Variants in KCTD16 observed in about 807,000 individuals in gnomAD.
The protein encoded by KCTD16 is potassium channel tetramerization domain containing 16.
KCTD16 carries 13 observed loss-of-function variants against 33.2 expected under a neutral mutation model. The ratio of observed to expected loss-of-function variants is 0.39; its 90% CI spans 0.25 to 0.62. The LOEUF is 0.62. Among genes scored for constraint, KCTD16 ranks in the 20% least tolerant of loss-of-function variants. The pLI is 0.50. For missense variants in KCTD16, 441 were observed against 525.1 expected, an observed-to-expected ratio of 0.84 and a Z score of 1.57; for synonymous variants, 197 against 195.3, an observed-to-expected ratio of 1.01 and a Z score of -0.07.
intron 3 of KCTD16, among the ~76,000 whole-genome samples, chr5:144,319,613 T>C (rs1752021391): frequency 6.6e-6 from 1 of 152,234 alleles, no homozygotes; most frequent in Non-Finnish European, 1.5e-5. Context: ...CCTTCTTTTG[T>C]CTTCTCATCA....
At chr5:144,235,488 G>A (rs1457305420) in intron 3 of KCTD16, among the ~76,000 whole-genome samples, 1 of 152,012 alleles carries the variant, frequency 6.6e-6, no homozygotes, top group African/African-American at 2.4e-5. Context: ...TTGACCTTGT[G>A]CACACAAGTT....
intron 3 of KCTD16, among the ~76,000 whole-genome samples, chr5:144,254,882 C>T (rs1754804153): frequency 6.6e-6 from 1 of 152,136 alleles, no homozygotes; most frequent in South Asian, 2.1e-4. Flanking sequence ...ACTTCAACCT[C>T]TCAAGTAGCT....
intron 3 of KCTD16, among the ~76,000 whole-genome samples, chr5:144,254,609 C>G (rs1754795851): frequency 6.6e-6 from 1 of 152,136 alleles, no homozygotes; most frequent in African/African-American, 2.4e-5. Flanking sequence ...TGCATACAAT[C>G]TCTAGGGCTT....
intron 3 of KCTD16, among the ~76,000 whole-genome samples, chr5:144,371,388 C>A (rs1751962436): frequency 6.6e-6 from 1 of 152,074 alleles, no homozygotes; most frequent in Non-Finnish European, 1.5e-5. Flanking sequence ...GATGGAGAGG[C>A]AGGTCATTCA....
Position 144,185,577 on chromosome 5 carries a change from A to G in KCTD16, c.-327+11105A>G, listed in dbSNP as rs533624233. On this transcript the variant is annotated intron_variant, in intron 2 of 3. Transcript: ENST00000512467. ...TGTGACCAGTCTACCCAAGTAAGTC[A>G]TGCACCTGTACCTGGAGCAAGGGTG... Among the ~76,000 whole-genome samples the G allele has an allele frequency of 9.2e-5, 14 of 152,292 alleles. No individual in the cohort carries two copies. The East Asian group carries it at 2.7e-3, about 29-fold the overall frequency.
intron 3 of KCTD16, among the ~76,000 whole-genome samples, chr5:144,354,865 G>C (rs973077763): frequency 1.3e-5 from 2 of 152,154 alleles, no homozygotes; most frequent in Non-Finnish European, 2.9e-5. Flanking sequence ...TTTTCATTTA[G>C]AGTGTCATGT....
chr5:144,440,974 G>A (rs538997095), intron 3 of KCTD16, among the ~76,000 whole-genome samples: 1 of 149,118 alleles, frequency 6.7e-6, no homozygotes, highest in African/African-American at 2.5e-5. Context: ...CCACCTGTGA[G>A]TGAGAACATG....
chr5:144,183,089 A>T (rs367881138), intron 2 of KCTD16, among the ~76,000 whole-genome samples: 2 of 152,210 alleles, frequency 1.3e-5, no homozygotes, highest in South Asian at 4.1e-4. Flanking sequence ...AAAGCAAAAT[A>T]AACGTGAAAG....
intron 3 of KCTD16, among the ~76,000 whole-genome samples, chr5:144,320,853 T>G (rs1291415029): frequency 6.6e-6 from 1 of 152,012 alleles, no homozygotes; most frequent in East Asian, 1.9e-4. Flanking sequence ...TCATATGTAA[T>G]GTAAATGCCA....
chr5:144,450,794 G>A (rs1237633748), intron 3 of KCTD16, among the ~76,000 whole-genome samples: 1 of 152,044 alleles, frequency 6.6e-6, no homozygotes, highest in Non-Finnish European at 1.5e-5. Flanking sequence ...AGGTATCGAG[G>A]GGAGGAGCAA....
At chr5:144,242,187 T>A (rs1484254484) in intron 3 of KCTD16, among the ~76,000 whole-genome samples, 2 of 152,260 alleles carry the variant, frequency 1.3e-5, no homozygotes, top group Non-Finnish European at 2.9e-5. Flanking sequence ...ACACATTGTT[T>A]GGATTTTTAA....
intron 3 of KCTD16, among the ~76,000 whole-genome samples, chr5:144,248,347 G>A (rs1754605262): frequency 1.3e-5 from 2 of 152,202 alleles, no homozygotes; most frequent in African/African-American, 4.8e-5. Context: ...AAAGATCTGA[G>A]CTGGCTCATG....
At chr5:144,352,972 A>T (rs1374110253) in intron 3 of KCTD16, among the ~76,000 whole-genome samples, 1 of 152,182 alleles carries the variant, frequency 6.6e-6, no homozygotes, top group African/African-American at 2.4e-5. Context: ...GATTTTGTTC[A>T]TTCCACTCAG....
chr5:144,274,659 T>C (rs1232293368), intron 3 of KCTD16, among the ~76,000 whole-genome samples: 1 of 152,124 alleles, frequency 6.6e-6, no homozygotes, highest in Non-Finnish European at 1.5e-5. Context: ...TTCCAGTAGA[T>C]AAGAAAAGGT....
At chr5:144,260,627 T>G (rs1248746739) in intron 3 of KCTD16, among the ~76,000 whole-genome samples, 5 of 152,168 alleles carry the variant, frequency 3.3e-5, no homozygotes, top group African/African-American at 1.2e-4. Flanking sequence ...GAAATAAGAA[T>G]TATAAGGTCC....
In KCTD16 at chr5:144,433,381, G is replaced by A. The variant is rs551412989; in HGVS notation, c.833-40279G>A. Reference sequence around the variant, plus strand: ...CTGAATGGGACTTAGAGGCCCAGCCGTTACTCCCCTTAAGACAATTGCTAC... The same window carrying A: ...CTGAATGGGACTTAGAGGCCCAGCCATTACTCCCCTTAAGACAATTGCTAC... On this transcript the variant is annotated intron_variant, in intron 3 of 3. Transcript: ENST00000512467. 1.0e-3 allele frequency among the ~76,000 whole-genome samples: 158 copies of A among 152,192 alleles called. No individual in the cohort carries two copies. In the South Asian group the frequency reaches 0.016, roughly 15 times the overall value.
At chr5:144,344,755 T>C (rs1388298431) in intron 3 of KCTD16, among the ~76,000 whole-genome samples, 1 of 150,262 alleles carries the variant, frequency 6.7e-6, no homozygotes, top group Non-Finnish European at 1.5e-5. Context: ...ACACTGTTGG[T>C]GGGACTGTAA....
At chr5:144,389,625 T>G (rs939401364) in intron 3 of KCTD16, among the ~76,000 whole-genome samples, 1 of 152,084 alleles carries the variant, frequency 6.6e-6, no homozygotes, top group Non-Finnish European at 1.5e-5. Flanking sequence ...ACTCAATAAA[T>G]GCAACACACT....
In KCTD16 at chr5:144,245,964, A is replaced by T. The variant is rs1754538522; in HGVS notation, c.832+38418A>T. 2.0e-5 allele frequency among the ~76,000 whole-genome samples: 3 copies of T among 152,280 alleles called. No homozygotes were observed. In the South Asian group the frequency reaches 6.2e-4, roughly 32 times the overall value. Reference sequence around the variant, plus strand: ...TATAGCAATGTAAGAATGGACTAACATGGGGACACAAGATGGCATTGAGAT... The same window carrying T: ...TATAGCAATGTAAGAATGGACTAACTTGGGGACACAAGATGGCATTGAGAT... On this transcript the variant is annotated intron_variant, in intron 3 of 3. Transcript: ENST00000512467.
Sources: gnomAD v4.1 joint callset for allele counts (sites outside exome capture counted in the v4.1 genomes callset) on GRCh38, gnomAD v4.1.1 for gene constraint, MANE v1.5 for transcripts, NCBI Gene and HGNC (gene_info 2026-07-23, HGNC 2026-07-21) for gene names.